Variants in HECW2 observed in about 807,000 individuals in gnomAD.
HECW2 encodes the protein HECT, C2 and WW domain containing E3 ubiquitin protein ligase 2.
A neutral mutation model predicts 175.2 loss-of-function variants in HECW2; 61 were observed. The observed-to-expected ratio is 0.35, with a 90% CI of 0.28 to 0.43. The LOEUF is 0.43. Ranked by LOEUF, HECW2 falls within the 20% of genes least tolerant of loss-of-function variation. The probability of loss-of-function intolerance (pLI) is 1.00; values close to 1 mark genes in which losing one functional copy is unlikely to be tolerated. For synonymous variants in HECW2, 671 were observed against 731.0 expected, an observed-to-expected ratio of 0.92 and a Z score of 1.32; for missense variants, 1,524 against 2,000.5, an observed-to-expected ratio of 0.76 and a Z score of 4.54.
intron 1 of HECW2, among the ~76,000 whole-genome samples, chr2:196,485,853 G>A (rs1252405767): frequency 6.6e-6 from 1 of 152,102 alleles, no homozygotes; most frequent in Non-Finnish European, 1.5e-5. Flanking sequence ...GAGGGAGGAA[G>A]ATATTTAGAA....
At chr2:196,208,078 C>T (rs986884668) in intron 28 of HECW2, among the ~76,000 whole-genome samples, 4 of 152,176 alleles carry the variant, frequency 2.6e-5, no homozygotes, top group Non-Finnish European at 4.4e-5. Flanking sequence ...TACAAACACG[C>T]TGGGTGAATA....
At chr2:196,579,980 T>C (rs1266124631) in intron 1 of HECW2, among the ~76,000 whole-genome samples, 1 of 152,142 alleles carries the variant, frequency 6.6e-6, no homozygotes, top group African/African-American at 2.4e-5. Flanking sequence ...ATGACAGCCC[T>C]AGCAAACCAA....
intron 1 of HECW2, among the ~76,000 whole-genome samples, chr2:196,544,807 T>C (rs1227756111): frequency 6.6e-6 from 1 of 152,026 alleles, no homozygotes; most frequent in Non-Finnish European, 1.5e-5. Flanking sequence ...TGTGTGGGAA[T>C]TCAACAGTAA....
Position 196,198,704 on chromosome 2 carries a change from G to C in HECW2, c.*2573C>G, listed in dbSNP as rs946265153. On this transcript the variant is annotated 3_prime_UTR_variant, in exon 29 of 29. Transcript: ENST00000644978. ...CCTAGTTATCTGGGTTCACAGTCCA[G>C]AAGAAAATATTTATGGATATTTCTA... is the stretch of plus-strand genomic sequence containing the variant. 1 of 152,154 alleles carries C rather than the reference G, an allele frequency of 6.6e-6. No individual in the cohort carries two copies. The highest frequency in any genetic ancestry group is 2.4e-5 in the African/African-American group (1 of 41,428). 9.4% of individuals were successfully genotyped at this position (152,154 alleles called of 1,614,324 possible).
At chr2:196,570,984 C>G (rs570866110) in intron 1 of HECW2, among the ~76,000 whole-genome samples, 1 of 152,310 alleles carries the variant, frequency 6.6e-6, no homozygotes, top group African/African-American at 2.4e-5. Flanking sequence ...CCACTCACAT[C>G]TATCTCAATG....
chr2:196,209,983 T>C (rs1487409048), intron 28 of HECW2, among the ~76,000 whole-genome samples: 1 of 152,114 alleles, frequency 6.6e-6, no homozygotes, highest in Non-Finnish European at 1.5e-5. Context: ...CAGGATGGTC[T>C]CCATCTCCTG....
chr2:196,504,808 T>C (rs978697418), intron 1 of HECW2, among the ~76,000 whole-genome samples: 1 of 152,222 alleles, frequency 6.6e-6, no homozygotes, highest in Non-Finnish European at 1.5e-5. Context: ...TCTCTGGAAC[T>C]GTGCTTTTTA....
chr2:196,205,554 A>G (rs1420887438), intron 28 of HECW2, among the ~76,000 whole-genome samples: 1 of 152,234 alleles, frequency 6.6e-6, no homozygotes, highest in African/African-American at 2.4e-5. Context: ...TCAATCCAGA[A>G]AACCCTGAAA....
At chr2:196,293,792 AGTG>A (rs1248125522) in intron 13 of HECW2, among the ~76,000 whole-genome samples, 1 of 152,188 alleles carries the variant, frequency 6.6e-6, no homozygotes, top group East Asian at 1.9e-4. Context: ...TCTCTGAGTG[AGTG>A]CCAGATGACA....
chr2:196,432,262 T>TG (rs752558632), intron 2 of HECW2, among the ~76,000 whole-genome samples: 1 of 151,744 alleles, frequency 6.6e-6, no homozygotes, highest in South Asian at 2.1e-4. Flanking sequence ...GGCGGGGTGA[T>TG]GGGGGGATGC....
intron 1 of HECW2, among the ~76,000 whole-genome samples, chr2:196,588,813 G>A (rs1166699594): frequency 2.6e-5 from 4 of 152,162 alleles, no homozygotes; most frequent in African/African-American, 9.7e-5. Context: ...GTTTATACTT[G>A]TTGATCTAAT....
intron 27 of HECW2, among the ~76,000 whole-genome samples, chr2:196,216,752 ATGT>A (rs1687490119): frequency 6.6e-6 from 1 of 152,160 alleles, no homozygotes; most frequent in Non-Finnish European, 1.5e-5. Flanking sequence ...CTGAAGGCAG[ATGT>A]TGTTACTGGG....
At chr2:196,214,474 A>G (rs1176337801) in intron 28 of HECW2, among the ~76,000 whole-genome samples, 1 of 152,250 alleles carries the variant, frequency 6.6e-6, no homozygotes, top group East Asian at 1.9e-4. Flanking sequence ...TCAGAAGAGT[A>G]AAAAGCCTTA....
At chr2:196,576,711 C>T (rs1053541019) in intron 1 of HECW2, among the ~76,000 whole-genome samples, 1 of 151,994 alleles carries the variant, frequency 6.6e-6, no homozygotes, top group African/African-American at 2.4e-5. Flanking sequence ...TAAGTGTTCT[C>T]ACCACAAAAA....
intron 1 of HECW2, among the ~76,000 whole-genome samples, chr2:196,520,004 T>C (rs1338291845): frequency 6.6e-6 from 1 of 152,230 alleles, no homozygotes; most frequent in Non-Finnish European, 1.5e-5. Flanking sequence ...TTAAGATGTG[T>C]GGACTGCCTC....
intron 1 of HECW2, among the ~76,000 whole-genome samples, chr2:196,446,616 T>G (rs941374): frequency 0.24 from 35,889 of 152,170 alleles, 5,476 homozygotes; most frequent in African/African-American, 0.44. Context: ...ATCTTTAATT[T>G]AAGTGATTTC....
intron 4 of HECW2, among the ~76,000 whole-genome samples, chr2:196,330,190 A>G (rs1692307372): frequency 6.6e-6 from 1 of 152,234 alleles, no homozygotes; most frequent in African/African-American, 2.4e-5. Context: ...ATTAGCAATA[A>G]TAAGAATTTG....
intron 7 of HECW2, among the ~76,000 whole-genome samples, chr2:196,321,272 G>T (rs1056689194): frequency 7.9e-5 from 12 of 152,166 alleles, no homozygotes; most frequent in African/African-American, 2.7e-4. Context: ...CCTCCTGAAG[G>T]ATGGAGTTTT....
At chr2:196,564,106 T>C (rs1690098824) in intron 1 of HECW2, among the ~76,000 whole-genome samples, 1 of 152,110 alleles carries the variant, frequency 6.6e-6, no homozygotes, top group African/African-American at 2.4e-5. Flanking sequence ...TGATGGGAAG[T>C]AGTAGTGATA....
Sources: gnomAD v4.1 joint callset for allele counts (sites outside exome capture counted in the v4.1 genomes callset) on GRCh38, gnomAD v4.1.1 for gene constraint, MANE v1.5 for transcripts, NCBI Gene and HGNC (gene_info 2026-07-23, HGNC 2026-07-21) for gene names.